DSCAM: variants seen among roughly 807,000 people sequenced by gnomAD.
DSCAM encodes DS cell adhesion molecule.
In DSCAM, 47 loss-of-function variants were observed where a neutral mutation model predicts 217.7. The ratio of observed to expected loss-of-function variants is 0.22; its 90% CI spans 0.17 to 0.28. The LOEUF (loss-of-function observed/expected upper bound fraction) is 0.28. Ranked by LOEUF, DSCAM falls within the 10% of genes least tolerant of loss-of-function variation. The pLI is 1.00. For missense variants in DSCAM, 2,080 were observed against 2,618.3 expected (o/e 0.79, Z 4.49); for synonymous variants, 1,056 against 1,015.3 (o/e 1.04, Z -0.76).
chr21:40,461,117 TAAAAG>T (rs1341630906), intron 3 of DSCAM, among the ~76,000 whole-genome samples: 1 of 150,740 alleles, frequency 6.6e-6, no homozygotes. Flanking sequence ...TGCAGCTGTT[TAAAAG>T]AAAGAAAAAA....
chr21:40,436,526 A>C (rs2075584045), intron 3 of DSCAM, among the ~76,000 whole-genome samples: 1 of 152,172 alleles, frequency 6.6e-6, no homozygotes, highest in South Asian at 2.1e-4. Flanking sequence ...ATTTTTAACA[A>C]TTAAGATAGA....
At chr21:40,579,031 A>G (rs2076880854) in intron 3 of DSCAM, among the ~76,000 whole-genome samples, 1 of 152,230 alleles carries the variant, frequency 6.6e-6, no homozygotes, top group South Asian at 2.1e-4. Flanking sequence ...AAACACAGAA[A>G]GATGCACATT....
chr21:40,358,695 T>TACAGGCAGAGGCAGGATAATAGCTTGA (rs2074723269), intron 4 of DSCAM, among the ~76,000 whole-genome samples: 1 of 149,926 alleles, frequency 6.7e-6, no homozygotes, highest in Non-Finnish European at 1.5e-5. Context: ...TAATCCCAGC[T>TACAGGCAGAGGCAGGATAATAGCTTGA]ACAGGCAGAG....
intron 32 of DSCAM, among the ~76,000 whole-genome samples, chr21:40,032,248 G>A (rs2088540468): frequency 6.6e-6 from 1 of 152,118 alleles, no homozygotes; most frequent in Admixed American, 6.5e-5. Context: ...TCCATAGTGG[G>A]TGCTCCAAAA....
chr21:40,452,521 C>T (rs2075728915), intron 3 of DSCAM, among the ~76,000 whole-genome samples: 1 of 152,026 alleles, frequency 6.6e-6, no homozygotes, highest in Admixed American at 6.6e-5. Flanking sequence ...AACAGTTACT[C>T]TAATAACTTA....
chr21:40,380,785 C>T (rs1032037084), intron 3 of DSCAM, among the ~76,000 whole-genome samples: 5 of 152,162 alleles, frequency 3.3e-5, no homozygotes, highest in Non-Finnish European at 5.9e-5. Context: ...GAACTGAGGC[C>T]GGGCGCGGTG....
intron 4 of DSCAM, among the ~76,000 whole-genome samples, chr21:40,354,985 T>A (rs1221257187): frequency 1.3e-5 from 2 of 152,110 alleles, no homozygotes; most frequent in Non-Finnish European, 2.9e-5. Flanking sequence ...TTCACAAATA[T>A]GTTTTGATCC....
At chr21:40,403,584 GTCA>G (rs2075256384) in intron 3 of DSCAM, among the ~76,000 whole-genome samples, 1 of 151,536 alleles carries the variant, frequency 6.6e-6, no homozygotes, top group South Asian at 2.1e-4. Flanking sequence ...GCTAATCATT[GTCA>G]TCAACACACA....
intron 11 of DSCAM, among the ~76,000 whole-genome samples, chr21:40,192,542 CTG>C (rs953217299): frequency 1.3e-5 from 2 of 152,206 alleles, no homozygotes; most frequent in Admixed American, 6.5e-5. Flanking sequence ...TCGCATAGGA[CTG>C]TGACTCAGTT....
intron 32 of DSCAM, among the ~76,000 whole-genome samples, chr21:40,036,970 T>C (rs1027562730): frequency 6.6e-6 from 1 of 150,704 alleles, no homozygotes; most frequent in Non-Finnish European, 1.5e-5. Flanking sequence ...TCAACAACCC[T>C]TCATGCTAAA....
chr21:40,186,582 C>G (rs1253581049), intron 14 of DSCAM, among the ~76,000 whole-genome samples: 1 of 152,146 alleles, frequency 6.6e-6, no homozygotes, highest in Non-Finnish European at 1.5e-5. Flanking sequence ...GGCTCTGGGC[C>G]GAGTGGTCCT....
intron 11 of DSCAM, among the ~76,000 whole-genome samples, chr21:40,191,023 G>A (rs1344735193): frequency 6.6e-6 from 1 of 152,096 alleles, no homozygotes; most frequent in East Asian, 1.9e-4. Flanking sequence ...CCAATCACAG[G>A]AAGAAGCTCC....
At chr21:40,648,285 A>ACACACACT (rs1555876127) in intron 3 of DSCAM, among the ~76,000 whole-genome samples, 3 of 147,542 alleles carry the variant, frequency 2.0e-5, no homozygotes, top group Admixed American at 6.7e-5. Flanking sequence ...ACACACACTC[A>ACACACACT]CACACTGCTC....
intron 11 of DSCAM, among the ~76,000 whole-genome samples, chr21:40,240,417 C>A (rs2073136988): frequency 8.2e-6 from 1 of 122,262 alleles, no homozygotes; most frequent in South Asian, 2.8e-4. Flanking sequence ...ATGTATCTTG[C>A]ATACAGATAG....
At chr21:40,397,169 TG>T (rs1284832440) in intron 3 of DSCAM, among the ~76,000 whole-genome samples, 1 of 152,224 alleles carries the variant, frequency 6.6e-6, no homozygotes, top group East Asian at 1.9e-4. Context: ...TCTTCTTCAC[TG>T]GCAATAATCA....
chr21:40,153,421 T>C (rs1200595076), intron 16 of DSCAM, among the ~76,000 whole-genome samples: 1 of 152,040 alleles, frequency 6.6e-6, no homozygotes, highest in Non-Finnish European at 1.5e-5. Flanking sequence ...CCTTGGAGGG[T>C]ACAATGCTGT....
intron 27 of DSCAM, among the ~76,000 whole-genome samples, chr21:40,073,852 T>C (rs2089328311): frequency 6.6e-6 from 1 of 152,164 alleles, no homozygotes; most frequent in Non-Finnish European, 1.5e-5. Context: ...GTTCGCACGA[T>C]TGCGAAAGAA....
intron 2 of DSCAM, among the ~76,000 whole-genome samples, chr21:40,701,135 A>C (rs185256070): frequency 6.6e-6 from 1 of 152,340 alleles, no homozygotes; most frequent in African/African-American, 2.4e-5. Context: ...AATAAATTTA[A>C]ATTCTTTAAT....
At chr21:40,666,844 C>T (rs573207265) in intron 3 of DSCAM, among the ~76,000 whole-genome samples, 8 of 152,220 alleles carry the variant, frequency 5.3e-5, no homozygotes, top group Non-Finnish European at 1.0e-4. Context: ...TGCAGCAAGG[C>T]ACAAGAGTTC....
Sources: allele counts gnomAD v4.1 joint callset (sites outside exome capture counted in the v4.1 genomes callset), GRCh38; gene constraint gnomAD v4.1.1; transcripts MANE v1.5; gene names NCBI Gene and HGNC (gene_info 2026-07-23, HGNC 2026-07-21).